Variants in FOXI2 observed in about 807,000 individuals in gnomAD.
The protein encoded by FOXI2 is forkhead box protein I2.
In FOXI2, 17 loss-of-function variants were observed where a neutral mutation model predicts 14.3. The ratio of observed to expected loss-of-function variants is 1.19; its 90% CI spans 0.81 to 1.78. The LOEUF (loss-of-function observed/expected upper bound fraction) is 1.78, where lower values mean the gene tolerates loss of function less well. Ranked by LOEUF, FOXI2 falls within the 40% of genes most tolerant of loss-of-function variation. The pLI is 0.00. For missense variants in FOXI2, 541 were observed against 460.0 expected (o/e 1.18, Z -1.61); for synonymous variants, 240 against 218.8 (o/e 1.10, Z -0.85).
Position 127,738,555 on chromosome 10 carries a change from GAGA to G in FOXI2, c.551_553del (p.Lys184del), listed in dbSNP as rs1243545044. The G allele has an allele frequency of 5.6e-6, 9 of 1,613,176 alleles. No homozygotes were observed. The East Asian group carries it at 6.7e-5, about 12-fold the overall frequency. On this transcript the variant is annotated inframe_deletion, in exon 2 of 2. Transcript: ENST00000388920. ...TTACTGGACCCTGGACCCCAACTGC[GAGA>G]AGATGTTTGACAACGGGAACTTCCG...
Position 127,737,242 on chromosome 10 carries a change from C to G in FOXI2, c.-32C>G, listed in dbSNP as rs1846426810. ...GGGTCGCCAGTGAGTTTCGGTGCGG[C>G]ACCGCTGGCCCAGGCCCGGGCGCGG... On this transcript the variant is annotated 5_prime_UTR_variant, in exon 1 of 2. Transcript: ENST00000388920. The G allele has an allele frequency of 6.8e-7, 1 of 1,468,232 alleles. No individual in the cohort carries two copies. Among genetic ancestry groups the G allele is most frequent in the Non-Finnish European group, 8.9e-7 (1 of 1,120,656 alleles). 91.0% of individuals were successfully genotyped at this position (1,468,232 alleles called of 1,614,324 possible).
At position 127,738,788 on chromosome 10, in the gene FOXI2, C is replaced by A. The variant is rs1341587871; in HGVS notation, c.780C>A (p.Gly260=). The A allele has an allele frequency of 6.2e-7, 1 of 1,605,574 alleles. No individual in the cohort carries two copies. The highest frequency in any genetic ancestry group is 8.5e-7 in the Non-Finnish European group (1 of 1,176,948). The stretch of plus-strand genomic sequence containing the variant: ...TGAGCGCTCTGGCTGGCGGCCTTGG[C>A]ACCTTCCCCGGGGGCCTGGCGGGCG... ...SAMSALAGGL[G]TFPGGLAGDF... is the part of the protein sequence containing the mutation. Residue 260 remains glycine, a synonymous_variant, in exon 2 of 2, where the codon GGC becomes GGA. Transcript: ENST00000388920.
rs1350934421 is a variant in FOXI2, at chr10:127,738,842, A to G, written c.834A>G (p.Thr278=). The change falls in exon 2 of 2, where the codon ACA becomes ACG. Residue 278 remains threonine, a synonymous_variant. Coordinates refer to ENST00000388920, the MANE Select transcript of FOXI2 (RefSeq NM_207426.3). ...GDFSFGRRPP[T]VATHAPQTLN... is the part of the protein sequence containing the mutation. ...TTTCTTTCGGGAGGCGGCCACCGACAGTCGCCACCCACGCTCCCCAGACCC... is the reference window on the plus strand; with the variant it reads ...TTTCTTTCGGGAGGCGGCCACCGACGGTCGCCACCCACGCTCCCCAGACCC... 1.9e-6 allele frequency: 3 copies of G among 1,606,986 alleles called. No individual in the cohort carries two copies. The highest frequency in any genetic ancestry group is 2.7e-5 in the African/African-American group (2 of 74,954).
Position 127,738,999 on chromosome 10 carries a change from G to A in FOXI2, c.*34G>A. The A allele has an allele frequency of 6.4e-7, 1 of 1,566,494 alleles. No individual in the cohort carries two copies. The highest frequency in any genetic ancestry group is 8.6e-7 in the Non-Finnish European group (1 of 1,157,960). On this transcript the variant is annotated 3_prime_UTR_variant, in exon 2 of 2. Coordinates refer to ENST00000388920, the MANE Select transcript of FOXI2 (RefSeq NM_207426.3). The stretch of plus-strand genomic sequence containing the variant: ...TGGAGGCTAGCCGGGTGCGGGTCCA[G>A]AGGTGCTGAGCTCAGGCCTCCGGTT...
chr10:127,739,125 C>A lies in FOXI2; in HGVS notation c.*160C>A. 1.5e-6 allele frequency: 1 copy of A among 652,046 alleles called. No homozygotes were observed. The highest frequency in any genetic ancestry group is 2.6e-6 in the Non-Finnish European group (1 of 392,128). 40.4% of individuals were successfully genotyped at this position (652,046 alleles called of 1,614,324 possible). ...TCGGCCAGCAGGGAGCTGGGCTGAG[C>A]GGCTCTTGGGCTTTGGGGTGGGTGG... On this transcript the variant is annotated 3_prime_UTR_variant, in exon 2 of 2. Transcript: ENST00000388920.
In FOXI2 at chr10:127,738,662, A is replaced by G; in HGVS notation, c.654A>G (p.Pro218=). The part of the protein sequence containing the change: ...GARSVGGAEA[P]ALEPPSAACL... ...GGAGCGTGGGAGGGGCCGAGGCGCC[A>G]GCGCTGGAGCCCCCGAGCGCGGCTT... The change falls in exon 2 of 2, where the codon CCA becomes CCG. Residue 218 remains proline, a synonymous_variant. Coordinates refer to ENST00000388920, the MANE Select transcript of FOXI2 (RefSeq NM_207426.3). 1 of 1,595,892 alleles carries G rather than the reference A, an allele frequency of 6.3e-7. No homozygotes were observed. Among genetic ancestry groups the G allele is most frequent in the Non-Finnish European group, 8.5e-7 (1 of 1,171,158 alleles).
chr10:127,738,870 A>T lies in FOXI2; in HGVS notation c.862A>T (p.Asn288Tyr). 6.2e-7 allele frequency: 1 copy of T among 1,607,962 alleles called. No individual in the cohort carries two copies. Among genetic ancestry groups the T allele is most frequent in the Non-Finnish European group, 8.5e-7 (1 of 1,179,284 alleles). The change falls in exon 2 of 2, where the codon AAC (asparagine) becomes TAC (tyrosine). Residue 288 changes from asparagine to tyrosine, a missense_variant. Asn to Tyr is a moderately radical substitution (Grantham distance 143, BLOSUM62 -2). Coordinates refer to ENST00000388920, the MANE Select transcript of FOXI2 (RefSeq NM_207426.3). ...CGCCACCCACGCTCCCCAGACCCTT[A>T]ACCCCTCCCCTGGCTTCGCCCCTGG... is the stretch of plus-strand genomic sequence containing the variant. ...TVATHAPQTL[N>Y]PSPGFAPGHQ...
In FOXI2 at chr10:127,738,954, A is replaced by G; in HGVS notation, c.946A>G (p.Thr316Ala). The G allele has an allele frequency of 6.3e-7, 1 of 1,599,832 alleles. No homozygotes were observed. The highest frequency in any genetic ancestry group is 8.5e-7 in the Non-Finnish European group (1 of 1,179,350). The change falls in exon 2 of 2, where the codon ACC becomes GCC. Residue 316 changes from threonine to alanine, a missense_variant. Thr to Ala is a moderately conservative substitution (Grantham distance 58). Coordinates refer to ENST00000388920, the MANE Select transcript of FOXI2 (RefSeq NM_207426.3). ...TCACCTCCTCTACAGCCGGGAAGGG[A>G]CCGAAGTTTGAAGGGAGGCTGGAGG... ...LSHLLYSREGTEV is the reference protein window; with the variant it reads ...LSHLLYSREGAEV
At position 127,737,241 on chromosome 10, in the gene FOXI2, G is replaced by A. The variant is rs2134993235; in HGVS notation, c.-33G>A. ...TGGGTCGCCAGTGAGTTTCGGTGCG[G>A]CACCGCTGGCCCAGGCCCGGGCGCG... On this transcript the variant is annotated 5_prime_UTR_variant, in exon 1 of 2. Coordinates refer to ENST00000388920, the MANE Select transcript of FOXI2 (RefSeq NM_207426.3). 1.4e-6 allele frequency: 2 copies of A among 1,468,292 alleles called. No homozygotes were observed. Among genetic ancestry groups the A allele is most frequent in the South Asian group, 1.3e-5 (1 of 76,640 alleles). 91.0% of individuals were successfully genotyped at this position (1,468,292 alleles called of 1,614,324 possible). A position where few individuals can be genotyped will look rare whatever the true frequency, so the allele number is the denominator to read the frequency against.
rs1846485973 is a variant in FOXI2 at position 127,739,925 on chromosome 10, A to C, written c.*960A>C. The C allele has an allele frequency of 2.9e-5, 2 of 68,860 alleles. No individual in the cohort carries two copies. The highest frequency in any genetic ancestry group is 5.5e-5 in the Non-Finnish European group (2 of 36,568). 4.3% of individuals were successfully genotyped at this position (68,860 alleles called of 1,614,324 possible). On this transcript the variant is annotated 3_prime_UTR_variant, in exon 2 of 2. Coordinates refer to ENST00000388920, the MANE Select transcript of FOXI2 (RefSeq NM_207426.3). The stretch of plus-strand genomic sequence containing the variant: ...CACACACACTCACACCCACACCCAC[A>C]CTCACACCCACACACACTCACACCC...
At position 127,738,978 on chromosome 10, in the gene FOXI2, G is replaced by A. The variant is rs1846456329; in HGVS notation, c.*13G>A. 6.3e-7 allele frequency: 1 copy of A among 1,594,586 alleles called. No individual in the cohort carries two copies. The highest frequency in any genetic ancestry group is 1.7e-5 in the Admixed American group (1 of 59,438). On this transcript the variant is annotated 3_prime_UTR_variant, in exon 2 of 2. Transcript: ENST00000388920. ...GACCGAAGTTTGAAGGGAGGCTGGA[G>A]GCTAGCCGGGTGCGGGTCCAGAGGT...
chr10:127,739,885 AC>A lies in FOXI2; in HGVS notation c.*923del, dbSNP rs1846482024. 2.9e-5 allele frequency: 2 copies of A among 67,970 alleles called. No homozygotes were observed. The highest frequency in any genetic ancestry group is 1.1e-4 in the African/African-American group (2 of 17,980). 4.2% of individuals were successfully genotyped at this position (67,970 alleles called of 1,614,324 possible). On this transcript the variant is annotated 3_prime_UTR_variant, in exon 2 of 2. Coordinates refer to ENST00000388920, the MANE Select transcript of FOXI2 (RefSeq NM_207426.3). Reference sequence around the variant, plus strand: ...CACTCACACCCACACTCACACCCACACCCACACCCACACTCACACACACTCA... The same window carrying A: ...CACTCACACCCACACTCACACCCACACCACACCCACACTCACACACACTCA...
Position 127,737,429 on chromosome 10 carries a change from C to T in FOXI2, c.156C>T (p.Ser52=), listed in dbSNP as rs983946313. The T allele has an allele frequency of 3.7e-6, 5 of 1,368,464 alleles. No homozygotes were observed. The East Asian group carries it at 1.5e-4, about 42-fold the overall frequency. 84.8% of individuals were successfully genotyped at this position (1,368,464 alleles called of 1,614,324 possible). A position where few individuals can be genotyped will look rare whatever the true frequency, so the allele number is the denominator to read the frequency against. The stretch of plus-strand genomic sequence containing the variant: ...ACGCGCCAGCGCTCAGCCCCAAGTC[C>T]TACGCTTCGGGTCCCGGGCCTGCGC... ...WVNAPALSPK[S]YASGPGPAPP... is the part of the protein sequence containing the mutation. Residue 52 remains serine (S), a synonymous_variant, in exon 1 of 2, where the codon TCC becomes TCT. Coordinates refer to ENST00000388920, the MANE Select transcript of FOXI2 (RefSeq NM_207426.3).
chr10:127,737,379 G>A lies in FOXI2; in HGVS notation c.106G>A (p.Gly36Ser). The part of the protein sequence containing the change: ...GYEPGDLGAV[G>S]GGPLLWVNAP... Reference sequence around the variant, plus strand: ...TGAGCCAGGGGATCTGGGCGCGGTGGGCGGGGGCCCCCTCCTGTGGGTGAA... The same window carrying A: ...TGAGCCAGGGGATCTGGGCGCGGTGAGCGGGGGCCCCCTCCTGTGGGTGAA... Residue 36 changes from glycine to serine, a missense_variant, in exon 1 of 2, where the codon GGC (glycine) becomes AGC (serine). Transcript: ENST00000388920. The A allele has an allele frequency of 1.4e-6, 2 of 1,398,392 alleles. No homozygotes were observed. The highest frequency in any genetic ancestry group is 1.8e-6 in the Non-Finnish European group (2 of 1,090,710). 86.6% of individuals were successfully genotyped at this position (1,398,392 alleles called of 1,614,324 possible).
In FOXI2 at chr10:127,740,098, A is replaced by C. The variant is rs1846501330; in HGVS notation, c.*1133A>C. 1 of 118,456 alleles carries C rather than the reference A, an allele frequency of 8.4e-6. No individual in the cohort carries two copies. Among genetic ancestry groups the C allele is most frequent in the African/African-American group, 3.5e-5 (1 of 28,492 alleles). 7.3% of individuals were successfully genotyped at this position (118,456 alleles called of 1,614,324 possible). A position where few individuals can be genotyped will look rare whatever the true frequency, so the allele number is the denominator to read the frequency against. On this transcript the variant is annotated 3_prime_UTR_variant, in exon 2 of 2. Transcript: ENST00000388920. ...CACACTCACACCCACACTCACACTC[A>C]CACCCACACTCACACCACACTCACA...
In FOXI2 at chr10:127,738,962, T is replaced by G; in HGVS notation, c.954T>G (p.Val318=). 6.3e-7 allele frequency: 1 copy of G among 1,599,112 alleles called. No individual in the cohort carries two copies. Residue 318 remains valine (V), a synonymous_variant, in exon 2 of 2, where the codon GTT becomes GTG. Coordinates refer to ENST00000388920, the MANE Select transcript of FOXI2 (RefSeq NM_207426.3). ...TCTACAGCCGGGAAGGGACCGAAGT[T>G]TGAAGGGAGGCTGGAGGCTAGCCGG... ...HLLYSREGTE[V] is the part of the protein sequence containing the mutation.
In FOXI2 at chr10:127,738,737, C is replaced by A. The variant is rs1564748576; in HGVS notation, c.729C>A (p.Thr243=). The A allele has an allele frequency of 6.2e-7, 1 of 1,602,198 alleles. No homozygotes were observed. Among genetic ancestry groups the A allele is most frequent in the East Asian group, 2.3e-5 (1 of 44,222 alleles). ...SPSPSAPEAA[T]CFSGFASAMS... is the part of the protein sequence containing the mutation. ...CTCCATCCGCACCCGAGGCCGCCAC[C>A]TGCTTCTCCGGTTTCGCTTCTGCTA... is the stretch of plus-strand genomic sequence containing the variant. Residue 243 remains threonine (T), a synonymous_variant, in exon 2 of 2, where the codon ACC becomes ACA. Transcript: ENST00000388920.
intron 1 of FOXI2, among the ~76,000 whole-genome samples, chr10:127,738,178 C>T (rs964697001): frequency 2.0e-5 from 3 of 152,198 alleles, no homozygotes; most frequent in East Asian, 1.9e-4. Context: ...GTTTGGAAAG[C>T]TCTGGAGCCT....
chr10:127,738,710 C>T lies in FOXI2; in HGVS notation c.702C>T (p.Pro234=). ...SAACLDLQAS[P]SPSAPEAATC... is the part of the protein sequence containing the mutation. ...CTTGCCTGGACCTGCAGGCCTCGCC[C>T]TCTCCATCCGCACCCGAGGCCGCCA... Residue 234 remains proline, a synonymous_variant, in exon 2 of 2, where the codon CCC becomes CCT. Transcript: ENST00000388920. The T allele has an allele frequency of 6.3e-7, 1 of 1,598,208 alleles. No individual in the cohort carries two copies. Among genetic ancestry groups the T allele is most frequent in the Non-Finnish European group, 8.5e-7 (1 of 1,172,938 alleles).
Sources: gnomAD v4.1 joint callset for allele counts (sites outside exome capture counted in the v4.1 genomes callset) on GRCh38, gnomAD v4.1.1 for gene constraint, MANE v1.5 for transcripts, NCBI Gene and HGNC (gene_info 2026-07-23, HGNC 2026-07-21) for gene names.